Variants in DEPDC5 observed in about 807,000 individuals in gnomAD.
The protein encoded by DEPDC5 is GATOR1 complex protein DEPDC5.
DEPDC5 carries 73 observed loss-of-function variants against 217.3 expected under a neutral mutation model. The ratio of observed to expected loss-of-function variants is 0.34; its 90% CI spans 0.28 to 0.41. DEPDC5 has a LOEUF of 0.41. Among genes scored for constraint, DEPDC5 ranks in the 10% least tolerant of loss-of-function variants. The probability of loss-of-function intolerance (pLI) is 1.00; values close to 1 mark genes in which losing one functional copy is unlikely to be tolerated. For missense variants in DEPDC5, 1,675 were observed against 2,070.1 expected (o/e 0.81, Z 3.70); for synonymous variants, 733 against 756.7 (o/e 0.97, Z 0.51).
chr22:31,809,297 T>A (rs2087956454), intron 18 of DEPDC5, among the ~76,000 whole-genome samples: 1 of 152,172 alleles, frequency 6.6e-6, no homozygotes, highest in Non-Finnish European at 1.5e-5. Flanking sequence ...ACCAAGAATC[T>A]AAAGATCTGG....
intron 38 of DEPDC5, among the ~76,000 whole-genome samples, chr22:31,881,552 G>A (rs1266642598): frequency 6.6e-6 from 1 of 152,102 alleles, no homozygotes; most frequent in Non-Finnish European, 1.5e-5. Flanking sequence ...CTCACTTCCA[G>A]CAACCTAAAC....
chr22:31,824,642 G>A (rs1271771832), intron 24 of DEPDC5, among the ~76,000 whole-genome samples: 2 of 151,988 alleles, frequency 1.3e-5, no homozygotes, highest in Non-Finnish European at 2.9e-5. Flanking sequence ...TACTCAGAGG[G>A]CTGAAAATGT....
Position 31,822,688 on chromosome 22 carries a change from T to C in DEPDC5, c.2007-5T>C. ...AGCCAGGTGGCTGGGCTCTGTTCTC[T>C]GCAGGCACAGCAATTCCCGCCAGCC... is the stretch of plus-strand genomic sequence containing the variant. On this transcript the variant is annotated splice_polypyrimidine_tract_variant and splice_region_variant and intron_variant, in intron 23 of 42. Coordinates refer to ENST00000651528, the MANE Select transcript of DEPDC5 (RefSeq NM_001242896.3). 2 of 1,613,952 alleles carry C rather than the reference T, an allele frequency of 1.2e-6. No individual in the cohort carries two copies. Among genetic ancestry groups the C allele is most frequent in the Non-Finnish European group, 1.7e-6 (2 of 1,179,914 alleles).
At chr22:31,797,530 T>G in intron 12 of DEPDC5, 70 bp from the exon 13 acceptor site, 2 of 1,251,894 alleles carry the variant, frequency 1.6e-6, no homozygotes, top group Non-Finnish European at 2.3e-6. Flanking sequence ...TGAGATGAAA[T>G]TTGGGAGGGG....
rs113015563 is a variant in DEPDC5, at chr22:31,825,894, C to T, written c.2104+3104C>T. Reference sequence around the variant, plus strand: ...ACTGCAGGTGGAAAGAGCGCAGGCTCCAGGATCTTAGGACATGAGGCCTGA... The same window carrying T: ...ACTGCAGGTGGAAAGAGCGCAGGCTTCAGGATCTTAGGACATGAGGCCTGA... On this transcript the variant is annotated intron_variant, in intron 24 of 42. Transcript: ENST00000651528. 6.9e-3 allele frequency among the ~76,000 whole-genome samples: 1,044 copies of T among 152,286 alleles called. 9 individuals carry two copies. Among genetic ancestry groups the T allele is most frequent in the Non-Finnish European group, 0.011 (782 of 68,020 alleles).
chr22:31,789,602 A>G (rs1041435320), intron 10 of DEPDC5, among the ~76,000 whole-genome samples: 13 of 152,200 alleles, frequency 8.5e-5, no homozygotes, highest in African/African-American at 2.7e-4. Flanking sequence ...GGCAATATTT[A>G]TATGTATTTT....
At chr22:31,794,271 C>T (rs2086002873) in intron 12 of DEPDC5, among the ~76,000 whole-genome samples, 1 of 152,138 alleles carries the variant, frequency 6.6e-6, no homozygotes, top group African/African-American at 2.4e-5. Flanking sequence ...CCACTCATCC[C>T]CTTATGCAGA....
At chr22:31,859,272 T>A (rs1030709558) in intron 32 of DEPDC5, among the ~76,000 whole-genome samples, 7 of 151,314 alleles carry the variant, frequency 4.6e-5, no homozygotes, top group African/African-American at 1.7e-4. Context: ...TTGTATTTTT[T>A]AGTAGAAACA....
intron 39 of DEPDC5, 148 bp downstream of exon 39, chr22:31,893,899 T>G: frequency 1.0e-6 from 1 of 953,436 alleles, no homozygotes; most frequent in Non-Finnish European, 1.4e-6. Context: ...TTTTAAAAAA[T>G]TTAAACATAG....
At chr22:31,777,770 C>T (rs573830401) in intron 7 of DEPDC5, among the ~76,000 whole-genome samples, 26 of 151,980 alleles carry the variant, frequency 1.7e-4, no homozygotes, top group Non-Finnish European at 2.8e-4. Flanking sequence ...TTTTTTGAGA[C>T]GGAATCTCAC....
chr22:31,832,332 T>A (rs2090664990), intron 24 of DEPDC5, among the ~76,000 whole-genome samples: 1 of 152,228 alleles, frequency 6.6e-6, no homozygotes, highest in Admixed American at 6.5e-5. Flanking sequence ...AAATGGTAAA[T>A]CTGTTTTCCA....
chr22:31,781,493 C>T (rs1181470647), intron 8 of DEPDC5, among the ~76,000 whole-genome samples: 7 of 151,812 alleles, frequency 4.6e-5, no homozygotes, highest in South Asian at 2.1e-4. Flanking sequence ...AGTGCAGTGG[C>T]GTGATCTCGG....
intron 10 of DEPDC5, among the ~76,000 whole-genome samples, chr22:31,790,475 T>C (rs543159508): frequency 2.6e-5 from 4 of 152,298 alleles, no homozygotes; most frequent in African/African-American, 9.6e-5. Context: ...TGTCCAAAGG[T>C]AGTTCTTTGC....
At chr22:31,800,111 C>T (rs921033235) in intron 14 of DEPDC5, among the ~76,000 whole-genome samples, 4 of 152,032 alleles carry the variant, frequency 2.6e-5, no homozygotes, top group Non-Finnish European at 5.9e-5. Flanking sequence ...GCAAAACTTA[C>T]TCCTAAACTA....
At chr22:31,902,115 A>G (rs1244020890) in intron 41 of DEPDC5, among the ~76,000 whole-genome samples, 3 of 152,178 alleles carry the variant, frequency 2.0e-5, no homozygotes, top group Non-Finnish European at 4.4e-5. Flanking sequence ...TATAAAATGA[A>G]AAATTAAAAA....
chr22:31,775,696 C>A (rs1486321677), intron 7 of DEPDC5, among the ~76,000 whole-genome samples: 1 of 152,096 alleles, frequency 6.6e-6, no homozygotes, highest in Non-Finnish European at 1.5e-5. Flanking sequence ...CACGCCCTAT[C>A]CTCACACTGT....
chr22:31,791,731 A>G (rs1440934507), intron 10 of DEPDC5, among the ~76,000 whole-genome samples: 2 of 151,748 alleles, frequency 1.3e-5, no homozygotes, highest in East Asian at 1.9e-4. Context: ...GATCGAGACC[A>G]TCTTGGCCAA....
intron 38 of DEPDC5, among the ~76,000 whole-genome samples, chr22:31,882,811 A>G (rs998203689): frequency 2.0e-5 from 3 of 151,594 alleles, no homozygotes; most frequent in Admixed American, 6.6e-5. Context: ...AAAAATAGAG[A>G]CAGGGTCTCC....
At chr22:31,835,950 A>G (rs912407354) in intron 25 of DEPDC5, among the ~76,000 whole-genome samples, 1 of 152,248 alleles carries the variant, frequency 6.6e-6, no homozygotes, top group East Asian at 1.9e-4. Context: ...AGCTGTTAGC[A>G]TGGTACAAAA....
Sources: gnomAD v4.1 joint callset for allele counts (sites outside exome capture counted in the v4.1 genomes callset) on GRCh38, gnomAD v4.1.1 for gene constraint, MANE v1.5 for transcripts, NCBI Gene and HGNC (gene_info 2026-07-23, HGNC 2026-07-21) for gene names.